EBF1: variants seen among roughly 807,000 people sequenced by gnomAD.
The protein encoded by EBF1 is EBF transcription factor 1.
EBF1 carries 10 observed loss-of-function variants against 68.4 expected under a neutral mutation model. That is an observed-to-expected ratio of 0.15 (90% confidence interval 0.09 to 0.25). The LOEUF (loss-of-function observed/expected upper bound fraction) is 0.25. EBF1 is among the 10% of genes least tolerant of loss of function. The probability of loss-of-function intolerance (pLI) is 1.00; values close to 1 mark genes in which losing one functional copy is unlikely to be tolerated. For missense variants in EBF1, 509 were observed against 794.4 expected, an observed-to-expected ratio of 0.64 and a Z score of 4.32; for synonymous variants, 298 against 299.8, an observed-to-expected ratio of 0.99 and a Z score of 0.06.
At position 159,099,388 on chromosome 5, in the gene EBF1, T is replaced by G; in HGVS notation, c.91A>C (p.Met31Leu). The G allele has an allele frequency of 6.3e-7, 1 of 1,599,880 alleles. No individual in the cohort carries two copies. Among genetic ancestry groups the G allele is most frequent in the Non-Finnish European group, 8.5e-7 (1 of 1,173,546 alleles). Reference protein sequence around the residue: ...GSGMNAVRTWMQGAGVLDANT... With the variant: ...GSGMNAVRTWLQGAGVLDANT... ...GCGTCCAGCACCCCGGCGCCCTGCATCCACGTCCGCACCGCGTTCATGCCG... is the reference window on the plus strand; with the variant it reads ...GCGTCCAGCACCCCGGCGCCCTGCAGCCACGTCCGCACCGCGTTCATGCCG... Residue 31 changes from methionine (M) to leucine (L), a missense_variant, in exon 1 of 16, where the codon ATG (methionine) becomes CTG (leucine). Coordinates refer to ENST00000313708, the MANE Select transcript of EBF1 (RefSeq NM_024007.5).
intron 6 of EBF1, among the ~76,000 whole-genome samples, chr5:159,019,280 T>C (rs1205216172): frequency 6.6e-6 from 1 of 152,234 alleles, no homozygotes; most frequent in Non-Finnish European, 1.5e-5. Flanking sequence ...CTGTATAATT[T>C]CCCACAACAT....
At chr5:158,890,082 A>G (rs550358717) in intron 6 of EBF1, among the ~76,000 whole-genome samples, 17 of 152,276 alleles carry the variant, frequency 1.1e-4, no homozygotes, top group Non-Finnish European at 2.4e-4. Context: ...ACAGATACGG[A>G]AGGACAACTA....
At chr5:159,081,711 A>G (rs1027942145) in intron 5 of EBF1, among the ~76,000 whole-genome samples, 1 of 152,116 alleles carries the variant, frequency 6.6e-6, no homozygotes. Flanking sequence ...TCTTTCTTAA[A>G]CAGAGCTCTG....
chr5:158,943,472 T>C (rs1297706964), intron 6 of EBF1, among the ~76,000 whole-genome samples: 1 of 152,040 alleles, frequency 6.6e-6, no homozygotes, highest in East Asian at 1.9e-4. Context: ...CAGAAAGAAG[T>C]AATTAATTCC....
At chr5:158,882,750 A>G (rs1252384273) in intron 6 of EBF1, among the ~76,000 whole-genome samples, 4 of 152,232 alleles carry the variant, frequency 2.6e-5, no homozygotes, top group African/African-American at 9.6e-5. Context: ...ATCTTCTCCA[A>G]TAGGAGGTTT....
chr5:159,077,965 C>A (rs1779082131), intron 5 of EBF1, among the ~76,000 whole-genome samples: 1 of 151,934 alleles, frequency 6.6e-6, no homozygotes, highest in African/African-American at 2.4e-5. Flanking sequence ...GTCTCAAATT[C>A]CCTGGCTCAA....
chr5:158,893,601 C>A (rs1032448163), intron 6 of EBF1, among the ~76,000 whole-genome samples: 18 of 152,128 alleles, frequency 1.2e-4, no homozygotes, highest in Non-Finnish European at 8.8e-5. Flanking sequence ...CATGAAGAAT[C>A]TGCTCACTTA....
intron 8 of EBF1, among the ~76,000 whole-genome samples, chr5:158,803,879 T>C (rs369716025): frequency 6.6e-6 from 1 of 151,062 alleles, no homozygotes; most frequent in East Asian, 1.9e-4. Flanking sequence ...TATTGTCCTG[T>C]CCACTAGCAT....
Position 159,099,532 on chromosome 5 carries a change from A to C in EBF1, c.-54T>G. 1 of 1,432,018 alleles carries C rather than the reference A, an allele frequency of 7.0e-7. No individual in the cohort carries two copies. The highest frequency in any genetic ancestry group is 9.2e-7 in the Non-Finnish European group (1 of 1,086,232). The allele number at this position is 1,432,018 out of a possible 1,614,324, so 88.7% of individuals were successfully genotyped here. ...CCTCCCCCTTGAAAAAAATTAAAAA[A>C]AAAAAAAAAGGAAAGAAAAGAAAGA... On this transcript the variant is annotated 5_prime_UTR_variant, in exon 1 of 16. Transcript: ENST00000313708.
chr5:158,992,611 T>C (rs1053907825), intron 6 of EBF1, among the ~76,000 whole-genome samples: 9 of 152,224 alleles, frequency 5.9e-5, no homozygotes, highest in African/African-American at 2.2e-4. Flanking sequence ...ATACCATTTC[T>C]GGATCAGAAT....
chr5:158,741,818 G>C (rs941911963), intron 10 of EBF1, among the ~76,000 whole-genome samples: 1 of 152,200 alleles, frequency 6.6e-6, no homozygotes, highest in African/African-American at 2.4e-5. Context: ...TCATTCATGT[G>C]TATCTTGTCT....
At chr5:158,962,324 C>A (rs914110504) in intron 6 of EBF1, among the ~76,000 whole-genome samples, 1 of 152,020 alleles carries the variant, frequency 6.6e-6, no homozygotes, top group Admixed American at 6.6e-5. Flanking sequence ...CCTTGGAAAC[C>A]AAGCCAATAA....
chr5:158,903,567 G>A (rs941085676), intron 6 of EBF1, among the ~76,000 whole-genome samples: 7 of 151,870 alleles, frequency 4.6e-5, no homozygotes, highest in African/African-American at 1.7e-4. Context: ...CTGTTTGGAA[G>A]GTAGATTTCT....
intron 10 of EBF1, among the ~76,000 whole-genome samples, chr5:158,749,817 T>C (rs1170734109): frequency 1.3e-5 from 2 of 152,084 alleles, no homozygotes; most frequent in African/African-American, 4.8e-5. Flanking sequence ...TTCTCAGAGT[T>C]TCATTAGCCT....
intron 11 of EBF1, among the ~76,000 whole-genome samples, chr5:158,720,917 A>G (rs1003612677): frequency 1.3e-5 from 2 of 152,216 alleles, no homozygotes; most frequent in Non-Finnish European, 2.9e-5. Flanking sequence ...TTAGTATATA[A>G]GAAGATTCAG....
intron 11 of EBF1, among the ~76,000 whole-genome samples, chr5:158,725,634 T>C (rs912662099): frequency 3.3e-5 from 5 of 152,228 alleles, no homozygotes; most frequent in Admixed American, 6.5e-5. Flanking sequence ...ATGCAGTTCA[T>C]TTCACAAGTT....
At chr5:158,791,684 A>G (rs1778636325) in intron 9 of EBF1, among the ~76,000 whole-genome samples, 1 of 152,094 alleles carries the variant, frequency 6.6e-6, no homozygotes, top group Non-Finnish European at 1.5e-5. Flanking sequence ...CTACATCCAT[A>G]TGTAAGAGGA....
At chr5:158,829,735 G>C (rs1414265542) in intron 7 of EBF1, among the ~76,000 whole-genome samples, 1 of 152,066 alleles carries the variant, frequency 6.6e-6, no homozygotes, top group African/African-American at 2.4e-5. Context: ...CCTGTCAGCT[G>C]AACTACTTTG....
At chr5:159,061,948 A>G (rs550740295) in intron 6 of EBF1, among the ~76,000 whole-genome samples, 11 of 152,312 alleles carry the variant, frequency 7.2e-5, no homozygotes, top group African/African-American at 2.2e-4. Flanking sequence ...ACATTGTTCT[A>G]CAATAAGAAT....
Sources: gnomAD v4.1 joint callset for allele counts (sites outside exome capture counted in the v4.1 genomes callset) on GRCh38, gnomAD v4.1.1 for gene constraint, MANE v1.5 for transcripts, NCBI Gene and HGNC (gene_info 2026-07-23, HGNC 2026-07-21) for gene names.